Variants in ARL15 observed in about 807,000 individuals in gnomAD.
ARL15 encodes the protein ARF like GTPase 15, also known as ADP-ribosylation factor-like protein 15.
ARL15 carries 19 observed loss-of-function variants against 25.2 expected under a neutral mutation model. The ratio of observed to expected loss-of-function variants is 0.75; its 90% confidence interval spans 0.53 to 1.10. ARL15 has a LOEUF of 1.10. Among genes scored for constraint, ARL15 ranks in the 50% least tolerant of loss-of-function variants. ARL15 has a pLI of 0.00. For missense variants in ARL15, 220 were observed against 246.0 expected (o/e 0.89, Z 0.71); for synonymous variants, 94 against 86.8 (o/e 1.08, Z -0.46).
intron 3 of ARL15, among the ~76,000 whole-genome samples, chr5:54,118,677 G>A (rs760266304): frequency 5.3e-5 from 8 of 152,160 alleles, no homozygotes; most frequent in Non-Finnish European, 7.3e-5. Context: ...AAGAGCTGGA[G>A]TTGGGAGGGC....
intron 1 of ARL15, among the ~76,000 whole-genome samples, chr5:54,303,885 G>A (rs1758683387): frequency 6.6e-6 from 1 of 152,082 alleles, no homozygotes; most frequent in Non-Finnish European, 1.5e-5. Flanking sequence ...TGGTCACCTG[G>A]TGGAACACTA....
At chr5:54,109,342 T>G (rs1041233315) in intron 4 of ARL15, among the ~76,000 whole-genome samples, 37 of 152,100 alleles carry the variant, frequency 2.4e-4, no homozygotes, top group African/African-American at 8.7e-4. Flanking sequence ...CTGAAAAAGT[T>G]AAATACTTTT....
rs180811964 is a variant in ARL15, at chr5:54,305,103, T to C, written c.48+5329A>G. Reference sequence around the variant, plus strand: ...TTCCCCACTGAGACATACATTTTTATGATGGCAGATACAGCCTATAACCAA... The same window carrying C: ...TTCCCCACTGAGACATACATTTTTACGATGGCAGATACAGCCTATAACCAA... On this transcript the variant is annotated intron_variant, in intron 1 of 4. Coordinates refer to ENST00000504924, the MANE Select transcript of ARL15 (RefSeq NM_019087.3). Among the ~76,000 whole-genome samples the C allele has an allele frequency of 5.3e-5, 8 of 152,302 alleles. No homozygotes were observed. In the East Asian group the frequency reaches 1.5e-3, roughly 29 times the overall value.
intron 4 of ARL15, among the ~76,000 whole-genome samples, chr5:54,021,605 A>C (rs1035356176): frequency 1.1e-3 from 174 of 152,178 alleles, no homozygotes; most frequent in African/African-American, 4.1e-3. Context: ...AAGTCTAAAA[A>C]CAATGAACAG....
chr5:54,004,008 C>T (rs1748937498), intron 4 of ARL15, among the ~76,000 whole-genome samples: 1 of 152,184 alleles, frequency 6.6e-6, no homozygotes, highest in Admixed American at 6.5e-5. Flanking sequence ...TAGTCTCTCA[C>T]TAACTCCACC....
intron 1 of ARL15, among the ~76,000 whole-genome samples, chr5:54,260,829 G>C (rs1579960108): frequency 6.6e-6 from 1 of 152,082 alleles, no homozygotes; most frequent in Non-Finnish European, 1.5e-5. Context: ...TGTGTCCAAA[G>C]TCATATCAGC....
At position 54,299,324 on chromosome 5, in the gene ARL15, C is replaced by A. The variant is rs947590606; in HGVS notation, c.48+11108G>T. Among the ~76,000 whole-genome samples, 5 of 152,276 alleles carry A rather than the reference C, an allele frequency of 3.3e-5. No homozygotes were observed. In the East Asian group the frequency reaches 9.7e-4, roughly 29 times the overall value. On this transcript the variant is annotated intron_variant, in intron 1 of 4. Transcript: ENST00000504924. ...TATTTTCCTTTCCCACACAACTGAACCCTCATGCATGGCTATGGCTTCAGC... is the reference window on the plus strand; with the variant it reads ...TATTTTCCTTTCCCACACAACTGAAACCTCATGCATGGCTATGGCTTCAGC...
chr5:53,949,299 C>T (rs1386527413), intron 4 of ARL15, among the ~76,000 whole-genome samples: 1 of 152,062 alleles, frequency 6.6e-6, no homozygotes, highest in Non-Finnish European at 1.5e-5. Flanking sequence ...TTCACAAATA[C>T]ACTAAAATAA....
At chr5:54,243,094 CAAT>C in intron 1 of ARL15, among the ~76,000 whole-genome samples, 1 of 152,072 alleles carries the variant, frequency 6.6e-6, no homozygotes, top group Admixed American at 6.5e-5. Flanking sequence ...CAAGTATCAA[CAAT>C]AATAGAATAT....
At chr5:53,969,344 T>A (rs1232292004) in intron 4 of ARL15, among the ~76,000 whole-genome samples, 2 of 152,180 alleles carry the variant, frequency 1.3e-5, no homozygotes, top group African/African-American at 4.8e-5. Flanking sequence ...CCAAATAGTA[T>A]CATACTTTTT....
At chr5:54,169,067 A>C (rs966257667) in intron 2 of ARL15, among the ~76,000 whole-genome samples, 4 of 152,188 alleles carry the variant, frequency 2.6e-5, no homozygotes, top group Admixed American at 2.0e-4. Context: ...CTAACAACTA[A>C]TTCATCAGAA....
At chr5:54,190,955 G>A (rs954104350) in intron 1 of ARL15, among the ~76,000 whole-genome samples, 1 of 152,092 alleles carries the variant, frequency 6.6e-6, no homozygotes, top group African/African-American at 2.4e-5. Context: ...GCCATGTCTG[G>A]ATATATACTC....
rs1390009881 is a variant in ARL15 at position 54,239,430 on chromosome 5, A to T, written c.49-67502T>A. Among the ~76,000 whole-genome samples, 14 of 152,148 alleles carry T rather than the reference A, an allele frequency of 9.2e-5. No homozygotes were observed. In the East Asian group the frequency reaches 2.7e-3, roughly 29 times the overall value. On this transcript the variant is annotated intron_variant, in intron 1 of 4. Coordinates refer to ENST00000504924, the MANE Select transcript of ARL15 (RefSeq NM_019087.3). The stretch of plus-strand genomic sequence containing the variant: ...TTAAGACTTACACGAGTAAAGAATC[A>T]CCTCAAAGAAATGCTCAGTAAGTCT...
chr5:53,924,576 A>G (rs1223802617), intron 4 of ARL15, among the ~76,000 whole-genome samples: 1 of 152,188 alleles, frequency 6.6e-6, no homozygotes. Context: ...GGTTGAGGGC[A>G]TGAACCTAGA....
chr5:53,908,341 T>C (rs1745338285), intron 4 of ARL15, among the ~76,000 whole-genome samples: 1 of 151,788 alleles, frequency 6.6e-6, no homozygotes, highest in Admixed American at 6.6e-5. Flanking sequence ...CAAAAAAAAA[T>C]TGCACACGTA....
In ARL15 at chr5:53,884,582, G is replaced by A. The variant is rs1209480076; in HGVS notation, c.*1979C>T. 2 of 152,146 alleles carry A rather than the reference G, an allele frequency of 1.3e-5. No homozygotes were observed. The highest frequency in any genetic ancestry group is 2.9e-5 in the Non-Finnish European group (2 of 68,010). 9.4% of individuals were successfully genotyped at this position (152,146 alleles called of 1,614,324 possible). ...ACTTGTCAAAAACAGCTGTTGTTGG[G>A]TACTGATTGATAATGTTTTCATTCT... is the stretch of plus-strand genomic sequence containing the variant. On this transcript the variant is annotated 3_prime_UTR_variant, in exon 5 of 5. Coordinates refer to ENST00000504924, the MANE Select transcript of ARL15 (RefSeq NM_019087.3).
chr5:53,978,622 C>CAAAAAAA (rs147288475), intron 4 of ARL15, among the ~76,000 whole-genome samples: 8,671 of 73,480 alleles, frequency 0.12, 984 homozygotes, highest in Admixed American at 0.15. Flanking sequence ...CCTGTCTCTA[C>CAAAAAAA]AAAAAAAAAA....
At position 54,081,752 on chromosome 5, in the gene ARL15, C is replaced by A. The variant is rs186377636; in HGVS notation, c.462+31450G>T. Among the ~76,000 whole-genome samples, 387 of 152,240 alleles carry A rather than the reference C, an allele frequency of 2.5e-3. 1 individual carries two copies. Among genetic ancestry groups the A allele is most frequent in the Admixed American group, 4.5e-3 (69 of 15,292 alleles). ...TATGCTGCACTGTGAGTCAATTAAA[C>A]CTCTTTCCTTTATAAATTACCCAGT... is the stretch of plus-strand genomic sequence containing the variant. On this transcript the variant is annotated intron_variant, in intron 4 of 4. Coordinates refer to ENST00000504924, the MANE Select transcript of ARL15 (RefSeq NM_019087.3).
chr5:54,236,543 T>G (rs1420599051), intron 1 of ARL15, among the ~76,000 whole-genome samples: 1 of 152,128 alleles, frequency 6.6e-6, no homozygotes, highest in Admixed American at 6.5e-5. Context: ...ATATGTATGC[T>G]TCGTCTGTCA....
Sources: gnomAD v4.1 joint callset for allele counts (sites outside exome capture counted in the v4.1 genomes callset) on GRCh38, gnomAD v4.1.1 for gene constraint, MANE v1.5 for transcripts, NCBI Gene and HGNC (gene_info 2026-07-23, HGNC 2026-07-21) for gene names.